NRG3: variants seen among roughly 807,000 people sequenced by gnomAD.
NRG3 encodes pro-neuregulin-3, membrane-bound isoform.
NRG3 carries 31 observed loss-of-function variants against 66.9 expected under a neutral mutation model. The ratio of observed to expected loss-of-function variants is 0.46; its 90% CI spans 0.35 to 0.63. The LOEUF (loss-of-function observed/expected upper bound fraction) is 0.63, where lower values mean the gene tolerates loss of function less well. Among genes scored for constraint, NRG3 ranks in the 20% least tolerant of loss-of-function variants. The probability of loss-of-function intolerance (pLI) is 0.00; values close to 1 mark genes in which losing one functional copy is unlikely to be tolerated. For missense variants in NRG3, 910 were observed against 878.9 expected (o/e 1.04, Z -0.45); for synonymous variants, 393 against 359.4 (o/e 1.09, Z -1.06).
intron 1 of NRG3, among the ~76,000 whole-genome samples, chr10:82,179,199 C>A (rs2073245090): frequency 1.3e-5 from 2 of 151,748 alleles, no homozygotes; most frequent in African/African-American, 2.4e-5. Flanking sequence ...GTGTAGGTTA[C>A]CTTTTCACTC....
At chr10:82,672,089 T>C (rs2053324540) in intron 2 of NRG3, among the ~76,000 whole-genome samples, 1 of 152,224 alleles carries the variant, frequency 6.6e-6, no homozygotes, top group African/African-American at 2.4e-5. Flanking sequence ...GTGTAAGTTG[T>C]AAATTTGCTT....
At chr10:82,027,167 GCAATAATTGAAATAA>G in intron 1 of NRG3, among the ~76,000 whole-genome samples, 1 of 152,160 alleles carries the variant, frequency 6.6e-6, no homozygotes, top group East Asian at 1.9e-4. Flanking sequence ...TGTAAATCAT[GCAATAATTGAAATAA>G]CCAAAATACT....
chr10:82,541,597 G>T (rs1037370257), intron 2 of NRG3, among the ~76,000 whole-genome samples: 17 of 152,302 alleles, frequency 1.1e-4, no homozygotes, highest in Admixed American at 3.3e-4. Context: ...ACAATGTCTG[G>T]AATCTATAGA....
chr10:82,257,937 T>C (rs1262872032), intron 1 of NRG3, among the ~76,000 whole-genome samples: 1 of 152,178 alleles, frequency 6.6e-6, no homozygotes, highest in African/African-American at 2.4e-5. Context: ...CTACAGGGCC[T>C]TACATGAGTG....
chr10:82,202,008 A>G (rs1482355412), intron 1 of NRG3, among the ~76,000 whole-genome samples: 1 of 152,186 alleles, frequency 6.6e-6, no homozygotes, highest in Non-Finnish European at 1.5e-5. Flanking sequence ...AAAGGAAAGG[A>G]AGAGGAAGAA....
chr10:82,011,728 G>A (rs970779910), intron 1 of NRG3, among the ~76,000 whole-genome samples: 1 of 152,146 alleles, frequency 6.6e-6, no homozygotes, highest in African/African-American at 2.4e-5. Context: ...AAATCCAGCG[G>A]GGTAGTCAAA....
intron 1 of NRG3, among the ~76,000 whole-genome samples, chr10:82,315,881 T>A (rs550118104): frequency 6.6e-6 from 1 of 152,164 alleles, no homozygotes; most frequent in African/African-American, 2.4e-5. Flanking sequence ...GCCAGGCTGG[T>A]CTTGAACTTC....
chr10:82,389,769 A>G (rs971513535), intron 2 of NRG3, among the ~76,000 whole-genome samples: 8 of 152,210 alleles, frequency 5.3e-5, no homozygotes, highest in African/African-American at 1.9e-4. Flanking sequence ...AAATAGATTC[A>G]AAAAAGTTTC....
At chr10:82,207,821 G>A (rs2075198218) in intron 1 of NRG3, among the ~76,000 whole-genome samples, 1 of 152,040 alleles carries the variant, frequency 6.6e-6, no homozygotes, top group Middle Eastern at 3.2e-3. Flanking sequence ...GCACAAGAAC[G>A]GCATGGGGAG....
At chr10:82,244,892 C>G (rs972859377) in intron 1 of NRG3, among the ~76,000 whole-genome samples, 2 of 151,898 alleles carry the variant, frequency 1.3e-5, no homozygotes. Context: ...CACCACCATG[C>G]CCGGCTAATT....
At chr10:82,298,783 C>T (rs2080224713) in intron 1 of NRG3, among the ~76,000 whole-genome samples, 1 of 152,104 alleles carries the variant, frequency 6.6e-6, no homozygotes, top group Non-Finnish European at 1.5e-5. Context: ...GCAAGGGCCA[C>T]TCTGGGATAT....
intron 1 of NRG3, among the ~76,000 whole-genome samples, chr10:81,889,849 A>G (rs1842886368): frequency 6.6e-6 from 1 of 152,210 alleles, no homozygotes; most frequent in South Asian, 2.1e-4. Flanking sequence ...GAAGCTGTAG[A>G]TCAGGGTTTT....
intron 2 of NRG3, among the ~76,000 whole-genome samples, chr10:82,429,512 C>G (rs1316447690): frequency 3.3e-5 from 5 of 152,038 alleles, no homozygotes; most frequent in Non-Finnish European, 7.4e-5. Context: ...ATTGAAGACT[C>G]CTTGTGTACT....
At chr10:81,918,093 T>C (rs7913415) in intron 1 of NRG3, among the ~76,000 whole-genome samples, 16,252 of 152,232 alleles carry the variant, frequency 0.11, 1,320 homozygotes, top group East Asian at 0.22. Flanking sequence ...AATAGTTTTT[T>C]CATGCTGAAA....
chr10:82,582,330 T>C (rs571667225), intron 2 of NRG3, among the ~76,000 whole-genome samples: 6 of 152,196 alleles, frequency 3.9e-5, no homozygotes, highest in African/African-American at 1.2e-4. Context: ...CTTTGGGAGA[T>C]GTCAGAATAT....
intron 1 of NRG3, among the ~76,000 whole-genome samples, chr10:81,987,163 C>G (rs1193107589): frequency 6.6e-6 from 1 of 152,090 alleles, no homozygotes; most frequent in Non-Finnish European, 1.5e-5. Flanking sequence ...TCTCGGCTCA[C>G]AGCAACCTCT....
chr10:82,818,078 T>C (rs892168430), intron 3 of NRG3, among the ~76,000 whole-genome samples: 1 of 152,242 alleles, frequency 6.6e-6, no homozygotes, highest in Non-Finnish European at 1.5e-5. Flanking sequence ...GCATGGGCTG[T>C]TGGCTAGCTG....
At chr10:82,756,797 C>T (rs549358918) in intron 3 of NRG3, among the ~76,000 whole-genome samples, 36 of 150,838 alleles carry the variant, frequency 2.4e-4, no homozygotes, top group Non-Finnish European at 2.4e-4. Context: ...TCATTCAACA[C>T]TTGCTGTGAA....
intron 8 of NRG3, among the ~76,000 whole-genome samples, chr10:82,979,396 T>C (rs577392663): frequency 1.5e-4 from 23 of 152,308 alleles, no homozygotes; most frequent in Admixed American, 1.4e-3. Context: ...CATTTGCTAA[T>C]ACAACTGGAA....
Sources: gnomAD v4.1 joint callset for allele counts (sites outside exome capture counted in the v4.1 genomes callset) on GRCh38, gnomAD v4.1.1 for gene constraint, MANE v1.5 for transcripts, NCBI Gene and HGNC (gene_info 2026-07-23, HGNC 2026-07-21) for gene names.